CEP350: variants seen among roughly 807,000 people sequenced by gnomAD.
The protein encoded by CEP350 is centrosomal protein 350, also known as centrosome-associated protein 350.
In CEP350, 126 loss-of-function variants were observed where a neutral mutation model predicts 331.8. That is an observed-to-expected ratio of 0.38 (90% CI 0.33 to 0.44). The LOEUF is 0.44. Ranked by LOEUF, CEP350 falls within the 20% of genes least tolerant of loss-of-function variation. CEP350 has a pLI of 1.00. For synonymous variants in CEP350, 1,200 were observed against 1,259.5 expected (o/e 0.95, Z 1.00); for missense variants, 3,406 against 3,634.6 (o/e 0.94, Z 1.62).
intron 16 of CEP350, among the ~76,000 whole-genome samples, chr1:180,035,603 C>T (rs1656296526): frequency 6.6e-6 from 1 of 152,160 alleles, no homozygotes; most frequent in South Asian, 2.1e-4. Context: ...GCCTGAATGA[C>T]AGCACATCTG....
Position 179,990,640 on chromosome 1 carries a change from C to A in CEP350, c.235+19C>A. On this transcript the variant is annotated intron_variant, in intron 4 of 37. Transcript: ENST00000367607. ...AGAAAAGGTATGTATGAAGTTACTT[C>A]CAAATATATACATATATTAAATATA... 7.8e-7 allele frequency: 1 copy of A among 1,290,258 alleles called. No individual in the cohort carries two copies. The highest frequency in any genetic ancestry group is 1.1e-6 in the Non-Finnish European group (1 of 914,484). The allele number at this position is 1,290,258 out of a possible 1,614,324, so 79.9% of individuals were successfully genotyped here. A position where few individuals can be genotyped will look rare whatever the true frequency, so the allele number is the denominator to read the frequency against.
intron 25 of CEP350, among the ~76,000 whole-genome samples, chr1:180,061,795 C>T (rs1188663758): frequency 6.6e-6 from 1 of 152,046 alleles, no homozygotes; most frequent in African/African-American, 2.4e-5. Flanking sequence ...TGGTATGAAA[C>T]AGCTATGGGC....
At chr1:180,023,156 T>G (rs1262366282) in intron 13 of CEP350, among the ~76,000 whole-genome samples, 1 of 151,978 alleles carries the variant, frequency 6.6e-6, no homozygotes, top group Non-Finnish European at 1.5e-5. Context: ...GAGTATTAAA[T>G]GAAATATAGG....
At chr1:180,042,675 G>A (rs940837701) in intron 19 of CEP350, among the ~76,000 whole-genome samples, 2 of 152,222 alleles carry the variant, frequency 1.3e-5, no homozygotes, top group African/African-American at 2.4e-5. Flanking sequence ...TGCAGTAGTG[G>A]TTAAGAATAG....
intron 37 of CEP350, among the ~76,000 whole-genome samples, chr1:180,100,235 C>T (rs1299065229): frequency 6.6e-6 from 1 of 152,068 alleles, no homozygotes; most frequent in Non-Finnish European, 1.5e-5. Flanking sequence ...CTTTGTTTTA[C>T]AAATGAGGAA....
At chr1:180,005,556 C>T (rs1278027626) in intron 7 of CEP350, among the ~76,000 whole-genome samples, 1 of 152,158 alleles carries the variant, frequency 6.6e-6, no homozygotes, top group Non-Finnish European at 1.5e-5. Flanking sequence ...CTCCCTCTAT[C>T]TGCTCTTCTT....
chr1:179,965,077 C>T (rs1347079581), intron 1 of CEP350, among the ~76,000 whole-genome samples: 2 of 151,810 alleles, frequency 1.3e-5, no homozygotes, highest in African/African-American at 4.8e-5. Flanking sequence ...TTGCTGTATC[C>T]CAGAGGTTTT....
intron 27 of CEP350, 43 bp from the exon 28 acceptor site, chr1:180,074,979 A>G (rs772229165): frequency 2.6e-6 from 4 of 1,533,096 alleles, no homozygotes; most frequent in Admixed American, 4.2e-5. Flanking sequence ...ATCTCTGCAT[A>G]TAGGTTTTTT....
At chr1:180,078,114 C>A in intron 28 of CEP350, among the ~76,000 whole-genome samples, 1 of 150,828 alleles carries the variant, frequency 6.6e-6, no homozygotes, top group East Asian at 1.9e-4. Context: ...CCCTGGGCAA[C>A]AAGAACGGGA....
At chr1:180,044,264 T>C (rs1243489780) in intron 21 of CEP350, 91 bp downstream of exon 21, 140 of 1,291,018 alleles carry the variant, frequency 1.1e-4, no homozygotes, top group Non-Finnish European at 1.4e-4. Context: ...TAATCTTGTT[T>C]ATTTAAATAG....
intron 11 of CEP350, among the ~76,000 whole-genome samples, chr1:180,018,712 A>G (rs1326811500): frequency 6.6e-6 from 1 of 152,192 alleles, no homozygotes; most frequent in Non-Finnish European, 1.5e-5. Context: ...AAATAAATTC[A>G]TCTCATAATT....
At chr1:180,073,753 CTT>C (rs1268675451) in intron 27 of CEP350, 1 of 1,299,052 alleles carries the variant, frequency 7.7e-7, no homozygotes, top group Non-Finnish European at 1.0e-6. Flanking sequence ...CTCTTGATCT[CTT>C]GTTTTTAAAA....
chr1:180,053,087 A>C lies in CEP350; in HGVS notation c.4910A>C (p.Asn1637Thr), dbSNP rs1045108151. ...CCTTCAGAGAGTCACCGCAGATTTA[A>C]CATGGAAAAGAGAAGAGGTCATCAT... ...LLPSESHRRF[N>T]MEKRRGHHDD... The change falls in exon 23 of 38, where the codon AAC becomes ACC. Residue 1637 changes from asparagine to threonine, a missense_variant. Around this residue, in one of 5 missense-constraint regions of CEP350, gnomAD observed 104 missense variants for 143.3 expected, o/e 0.73. Transcript: ENST00000367607. The C allele has an allele frequency of 1.9e-6, 3 of 1,608,638 alleles. No individual in the cohort carries two copies. Among genetic ancestry groups the C allele is most frequent in the African/African-American group, 2.7e-5 (2 of 74,742 alleles).
chr1:180,002,876 A>G (rs1653959915), intron 6 of CEP350, among the ~76,000 whole-genome samples: 1 of 152,208 alleles, frequency 6.6e-6, no homozygotes, highest in Admixed American at 6.5e-5. Flanking sequence ...GGCTTATATG[A>G]AAGGTCCAGA....
At position 180,035,805 on chromosome 1, in the gene CEP350, C is replaced by T. The variant is rs12078330; in HGVS notation, c.3947-1121C>T. Among the ~76,000 whole-genome samples the T allele has an allele frequency of 7.6e-3, 1,163 of 152,298 alleles. 20 individuals carry two copies. Among genetic ancestry groups the T allele is most frequent in the African/African-American group, 0.027 (1,127 of 41,554 alleles). On this transcript the variant is annotated intron_variant, in intron 16 of 37. Transcript: ENST00000367607. ...AAGGAGATTAATGTTTTTATGTCCC[C>T]TAACACAAAGTCTATTCTGTACCCA...
chr1:180,030,468 C>T (rs958325837), intron 14 of CEP350, among the ~76,000 whole-genome samples: 4 of 151,414 alleles, frequency 2.6e-5, no homozygotes, highest in Non-Finnish European at 2.9e-5. Context: ...TTTTCCCATG[C>T]TGCTGTTTAA....
intron 37 of CEP350, among the ~76,000 whole-genome samples, chr1:180,104,168 T>G (rs1661012894): frequency 6.6e-6 from 1 of 150,836 alleles, no homozygotes; most frequent in South Asian, 2.1e-4. Context: ...TCTTTACCAT[T>G]TCTGCTGGAA....
intron 6 of CEP350, among the ~76,000 whole-genome samples, chr1:180,002,361 C>T (rs1306902711): frequency 6.6e-6 from 1 of 152,124 alleles, no homozygotes; most frequent in Non-Finnish European, 1.5e-5. Flanking sequence ...GTAGCACCAG[C>T]TGCTTGGGAG....
rs539282895 is a variant in CEP350 at position 179,995,476 on chromosome 1, A to G, written c.396-1077A>G. 2.6e-5 allele frequency among the ~76,000 whole-genome samples: 4 copies of G among 152,252 alleles called. No individual in the cohort carries two copies. The South Asian group carries it at 6.2e-4, about 24-fold the overall frequency. On this transcript the variant is annotated intron_variant, in intron 5 of 37. Coordinates refer to ENST00000367607, the MANE Select transcript of CEP350 (RefSeq NM_014810.5). ...AAAAGTTAGCCAGGCATCATGGCAC[A>G]CACCTGTAATCCCAGCTACTCGGGA...
Sources: allele counts gnomAD v4.1 joint callset (sites outside exome capture counted in the v4.1 genomes callset), GRCh38; gene constraint gnomAD v4.1.1; regional missense constraint gnomAD v4.1.1; transcripts MANE v1.5; gene names NCBI Gene and HGNC (gene_info 2026-07-23, HGNC 2026-07-21).